ALDH7A1: variants seen among roughly 807,000 people sequenced by gnomAD.
ALDH7A1 encodes aldehyde dehydrogenase 7 family member A1.
In ALDH7A1, 63 loss-of-function variants were observed where a neutral mutation model predicts 79.9. The ratio of observed to expected loss-of-function variants is 0.79; its 90% CI spans 0.64 to 0.97. ALDH7A1 has a LOEUF of 0.97. Among genes scored for constraint, ALDH7A1 ranks in the 50% least tolerant of loss-of-function variants. ALDH7A1 has a pLI of 0.00. For missense variants in ALDH7A1, 627 were observed against 665.2 expected (o/e 0.94, Z 0.63); for synonymous variants, 240 against 231.2 (o/e 1.04, Z -0.34).
chr5:126,593,267 A>G (rs1236133786), intron 2 of ALDH7A1, 84 bp downstream of exon 2: 3 of 1,576,456 alleles, frequency 1.9e-6, no homozygotes, highest in African/African-American at 1.4e-5. Context: ...TTCTGCCTCT[A>G]AAGAAAGCCT....
At chr5:126,568,804 C>A in intron 8 of ALDH7A1, 1 of 204,798 alleles carries the variant, frequency 4.9e-6, no homozygotes, top group Non-Finnish European at 1.0e-5. Flanking sequence ...TGGAGGCATG[C>A]GCTACTTGGG....
intron 12 of ALDH7A1, chr5:126,554,704 C>A: frequency 2.5e-6 from 1 of 394,672 alleles, no homozygotes. Context: ...GTCTGTTTGC[C>A]AATCTCTAGT....
At chr5:126,549,260 G>A (rs909395493) in intron 16 of ALDH7A1, among the ~76,000 whole-genome samples, 1 of 152,034 alleles carries the variant, frequency 6.6e-6, no homozygotes. Flanking sequence ...AATAGTAATT[G>A]TAGTATCTGC....
chr5:126,583,513 A>C (rs1751244225), intron 4 of ALDH7A1, among the ~76,000 whole-genome samples: 1 of 149,374 alleles, frequency 6.7e-6, no homozygotes, highest in African/African-American at 2.4e-5. Flanking sequence ...TAAATAATAA[A>C]ATATAATATA....
chr5:126,582,828 G>A (rs1414847933), intron 5 of ALDH7A1, 23 bp downstream of exon 5: 1 of 1,611,596 alleles, frequency 6.2e-7, no homozygotes, highest in African/African-American at 1.3e-5. Flanking sequence ...ACAAAACTCA[G>A]CTTAACTAAT....
intron 9 of ALDH7A1, chr5:126,561,326 T>G: frequency 2.6e-6 from 1 of 380,336 alleles, no homozygotes; most frequent in Non-Finnish European, 4.7e-6. Context: ...AAAGTAGCAT[T>G]ACTATTGTAT....
At chr5:126,567,522 G>A (rs552490556) in intron 9 of ALDH7A1, among the ~76,000 whole-genome samples, 1 of 151,898 alleles carries the variant, frequency 6.6e-6, no homozygotes, top group East Asian at 1.9e-4. Context: ...CACCCAGGCT[G>A]GAGTGCAGTG....
At chr5:126,560,755 T>C (rs1474226976) in intron 10 of ALDH7A1, among the ~76,000 whole-genome samples, 1 of 152,202 alleles carries the variant, frequency 6.6e-6, no homozygotes, top group Non-Finnish European at 1.5e-5. Flanking sequence ...ACTTAAGTTA[T>C]TCTAGAGAAA....
chr5:126,545,749 GC>G (rs1420469847), intron 17 of ALDH7A1, among the ~76,000 whole-genome samples: 1 of 150,832 alleles, frequency 6.6e-6, no homozygotes, highest in African/African-American at 2.4e-5. Flanking sequence ...CTGAGATCAG[GC>G]CACTGCACTC....
chr5:126,589,684 G>A (rs191259321), intron 3 of ALDH7A1, among the ~76,000 whole-genome samples: 9 of 143,894 alleles, frequency 6.3e-5, no homozygotes, highest in African/African-American at 1.8e-4. Flanking sequence ...CCCAGCCACC[G>A]CCCCATCTGG....
intron 11 of ALDH7A1, among the ~76,000 whole-genome samples, chr5:126,556,450 C>T (rs996365685): frequency 1.3e-5 from 2 of 151,972 alleles, no homozygotes; most frequent in Non-Finnish European, 2.9e-5. Context: ...TGCCATGTTG[C>T]CTAGGCTGGT....
At chr5:126,594,151 G>A (rs985702684) in intron 1 of ALDH7A1, 6 of 469,122 alleles carry the variant, frequency 1.3e-5, no homozygotes, top group African/African-American at 1.2e-4. Context: ...GCAGTAATGG[G>A]TATCAGGCGC....
chr5:126,595,190 G>T lies in ALDH7A1; in HGVS notation c.9C>A (p.Arg3=), dbSNP rs770033340. ...CGTGCACACACAGCGCGCGAGGAAG[G>T]CGCCACATACTGAGCCCGGGACTCG... is the stretch of plus-strand genomic sequence containing the variant. The part of the protein sequence containing the change: MW[R]LPRALCVHAA... Residue 3 remains arginine (R), a synonymous_variant, in exon 1 of 18, where the codon CGC becomes CGA. Transcript: ENST00000409134. 4.5e-6 allele frequency: 7 copies of T among 1,552,122 alleles called. No homozygotes were observed. The highest frequency in any genetic ancestry group is 5.2e-6 in the Non-Finnish European group (6 of 1,147,146).
intron 9 of ALDH7A1, chr5:126,567,950 A>AT (rs1481498124): frequency 1.8e-5 from 6 of 342,180 alleles, no homozygotes; most frequent in South Asian, 1.5e-4. Context: ...CGCCCCGCTA[A>AT]TTTTTTGTAT....
chr5:126,577,599 ACT>A (rs751599623), intron 5 of ALDH7A1, among the ~76,000 whole-genome samples: 6 of 151,802 alleles, frequency 4.0e-5, no homozygotes, highest in Non-Finnish European at 5.9e-5. Flanking sequence ...AGTCAGTCTC[ACT>A]CTGTCACCCA....
intron 7 of ALDH7A1, among the ~76,000 whole-genome samples, chr5:126,571,534 C>A (rs558543376): frequency 9.3e-5 from 14 of 151,314 alleles, no homozygotes; most frequent in African/African-American, 2.7e-4. Flanking sequence ...ATAGAAGACA[C>A]GAAGCATTGT....
chr5:126,553,421 C>T (rs1750070163), intron 13 of ALDH7A1: 2 of 152,112 alleles, frequency 1.3e-5, no homozygotes, highest in East Asian at 1.9e-4. Context: ...TTCTTTAAAA[C>T]GTGTATTTCT....
chr5:126,580,359 A>C (rs566767462), intron 5 of ALDH7A1, among the ~76,000 whole-genome samples: 1 of 152,098 alleles, frequency 6.6e-6, no homozygotes, highest in Non-Finnish European at 1.5e-5. Context: ...TGCCTCCCAA[A>C]GTGCTGGGAT....
In ALDH7A1 at chr5:126,555,808, C is replaced by G. The variant is rs62391521; in HGVS notation, c.1093+123G>C. Reference sequence around the variant, plus strand: ...GACACGATACACCAAAGCCTAATAACCTGCTTCATGTGCCTTCACGCCTCT... The same window carrying G: ...GACACGATACACCAAAGCCTAATAAGCTGCTTCATGTGCCTTCACGCCTCT... On this transcript the variant is annotated intron_variant, in intron 12 of 17. Transcript: ENST00000409134. The G allele has an allele frequency of 6.4e-6, 5 of 775,424 alleles. No homozygotes were observed. The African/African-American group carries it at 8.7e-5, about 13-fold the overall frequency. 48.0% of individuals were successfully genotyped at this position (775,424 alleles called of 1,614,324 possible).
Sources: gnomAD v4.1 joint callset for allele counts (sites outside exome capture counted in the v4.1 genomes callset) on GRCh38, gnomAD v4.1.1 for gene constraint, MANE v1.5 for transcripts, NCBI Gene and HGNC (gene_info 2026-07-23, HGNC 2026-07-21) for gene names.